Variants in TNRC6B observed in about 807,000 individuals in gnomAD.
TNRC6B encodes trinucleotide repeat-containing gene 6B protein.
Under a neutral mutation model 203.6 loss-of-function variants are expected in TNRC6B, and 52 were observed. The ratio of observed to expected loss-of-function variants is 0.26; its 90% CI spans 0.20 to 0.32. TNRC6B has a LOEUF of 0.32. Ranked by LOEUF, TNRC6B falls within the 10% of genes least tolerant of loss-of-function variation. TNRC6B has a pLI of 1.00. For missense variants in TNRC6B, 1,923 were observed against 2,286.2 expected, an observed-to-expected ratio of 0.84 and a Z score of 3.24; for synonymous variants, 838 against 845.7, an observed-to-expected ratio of 0.99 and a Z score of 0.16.
At chr22:40,255,670 C>T (rs1336865674) in intron 3 of TNRC6B, among the ~76,000 whole-genome samples, 4 of 152,084 alleles carry the variant, frequency 2.6e-5, no homozygotes, top group Admixed American at 6.6e-5. Context: ...GACTTGAACC[C>T]GATTAGGAGG....
At chr22:40,245,701 G>A (rs1446993172) in intron 1 of TNRC6B, among the ~76,000 whole-genome samples, 2 of 136,364 alleles carry the variant, frequency 1.5e-5, no homozygotes, top group Middle Eastern at 3.7e-3. Context: ...TTTGCTGAGT[G>A]GAAATTAATC....
intron 3 of TNRC6B, among the ~76,000 whole-genome samples, chr22:40,153,606 A>C (rs2068781474): frequency 1.3e-5 from 2 of 151,822 alleles, no homozygotes; most frequent in South Asian, 4.1e-4. Context: ...TTCCAGGGAA[A>C]CCAAAATTAT....
chr22:40,048,368 G>A (rs1278549708), intron 1 of TNRC6B, among the ~76,000 whole-genome samples: 1 of 151,958 alleles, frequency 6.6e-6, no homozygotes, highest in Non-Finnish European at 1.5e-5. Context: ...GTGAAACCCC[G>A]TCTCTACTAA....
intron 1 of TNRC6B, among the ~76,000 whole-genome samples, chr22:40,113,760 C>T (rs1022828554): frequency 1.3e-5 from 2 of 152,154 alleles, no homozygotes; most frequent in Admixed American, 1.3e-4. Context: ...GGGTGGTACC[C>T]TCCTGTCTGC....
Position 40,281,155 on chromosome 22 carries a change from G to C in TNRC6B, c.3448G>C (p.Gly1150Arg). 6.4e-7 allele frequency: 1 copy of C among 1,550,794 alleles called. No individual in the cohort carries two copies. The highest frequency in any genetic ancestry group is 2.4e-5 in the East Asian group (1 of 40,866). Residue 1150 changes from glycine to arginine, a missense_variant, in exon 11 of 23, where the codon GGG becomes CGG. Around this residue, in one of 8 missense-constraint regions of TNRC6B, gnomAD observed 599 missense variants for 656.5 expected, o/e 0.91. Coordinates refer to ENST00000454349, the MANE Select transcript of TNRC6B (RefSeq NM_001162501.2). ...LPFSNQDGCLGDEAPCSPFSP... is the reference protein window; with the variant it reads ...LPFSNQDGCLRDEAPCSPFSP... Reference sequence around the variant, plus strand: ...TTTCTCCAATCAAGATGGGTGCCTTGGGGATGAGGCTCCCTGCTCTCCCTT... The same window carrying C: ...TTTCTCCAATCAAGATGGGTGCCTTCGGGATGAGGCTCCCTGCTCTCCCTT...
At chr22:40,070,898 A>G (rs536515558) in intron 1 of TNRC6B, among the ~76,000 whole-genome samples, 199 of 152,294 alleles carry the variant, frequency 1.3e-3, no homozygotes, top group Non-Finnish European at 2.0e-3. Flanking sequence ...AGCTATGACT[A>G]AAGTCTAAAG....
chr22:40,320,947 A>T, intron 21 of TNRC6B, 143 bp from the exon 22 acceptor site: 1 of 885,556 alleles, frequency 1.1e-6, no homozygotes, highest in Non-Finnish European at 1.7e-6. Context: ...AGGCTGAATC[A>T]TATGCTTTTG....
In TNRC6B at chr22:40,320,685, A is replaced by G. The variant is rs573994531; in HGVS notation, c.4975-405A>G. ...TAGAGAAGTAGGCAGAAATAGTCTC[A>G]CCTTGAGATGGGCAAAGTAGGGGTA... On this transcript the variant is annotated intron_variant, in intron 21 of 22. Coordinates refer to ENST00000454349, the MANE Select transcript of TNRC6B (RefSeq NM_001162501.2). Among the ~76,000 whole-genome samples, 10 of 152,294 alleles carry G rather than the reference A, an allele frequency of 6.6e-5. 2 individuals are homozygous for G. The South Asian group carries it at 2.1e-3, about 32-fold the overall frequency.
In TNRC6B at chr22:40,312,553, A is replaced by C. The variant is rs770060738; in HGVS notation, c.4484A>C (p.Glu1495Ala). The C allele has an allele frequency of 6.2e-7, 1 of 1,614,038 alleles. No homozygotes were observed. Among genetic ancestry groups the C allele is most frequent in the Admixed American group, 1.7e-5 (1 of 60,000 alleles). Residue 1495 changes from glutamate to alanine, a missense_variant, in exon 18 of 23, where the codon GAA becomes GCA. Around this residue, in one of 8 missense-constraint regions of TNRC6B, gnomAD observed 242 missense variants for 399.5 expected, o/e 0.61. Coordinates refer to ENST00000454349, the MANE Select transcript of TNRC6B (RefSeq NM_001162501.2). Reference sequence around the variant, plus strand: ...AAAGGTATCCAAAACATTGACCCTGAATCTGACCCCTATGTCACCCCAGGA... The same window carrying C: ...AAAGGTATCCAAAACATTGACCCTGCATCTGACCCCTATGTCACCCCAGGA... ...PWKGIQNIDP[E>A]SDPYVTPGSV...
intron 1 of TNRC6B, among the ~76,000 whole-genome samples, chr22:40,060,152 T>C (rs1480817029): frequency 6.6e-6 from 1 of 150,858 alleles, no homozygotes; most frequent in Non-Finnish European, 1.5e-5. Flanking sequence ...TTCTTTTTTT[T>C]TTTTTTTAAT....
chr22:40,153,843 A>T (rs1366018952), intron 3 of TNRC6B, among the ~76,000 whole-genome samples: 1 of 151,192 alleles, frequency 6.6e-6, no homozygotes, highest in Non-Finnish European at 1.5e-5. Flanking sequence ...AATAATGTAT[A>T]TGTATTTAAT....
rs2071125104 is a variant in TNRC6B at position 40,308,512 on chromosome 22, G to A, written c.4121G>A (p.Gly1374Asp). ...TAAAATGTGGTCTTCTCCTTTTTAGGCTTCAGCTCTGGCGGCATGGACTAT... is the reference window on the plus strand; with the variant it reads ...TAAAATGTGGTCTTCTCCTTTTTAGACTTCAGCTCTGGCGGCATGGACTAT... Reference protein sequence around the residue: ...TKGPIPGYGSGFSSGGMDYGM... With the variant: ...TKGPIPGYGSDFSSGGMDYGM... Residue 1374 changes from glycine to aspartate, a missense_variant and splice_region_variant, in exon 16 of 23, where the codon GGC becomes GAC. Coordinates refer to ENST00000454349, the MANE Select transcript of TNRC6B (RefSeq NM_001162501.2). 2 of 1,613,800 alleles carry A rather than the reference G, an allele frequency of 1.2e-6. No individual in the cohort carries two copies. The highest frequency in any genetic ancestry group is 1.7e-6 in the Non-Finnish European group (2 of 1,179,868).
chr22:40,275,479 A>G (rs2070627488), intron 7 of TNRC6B, among the ~76,000 whole-genome samples: 1 of 152,194 alleles, frequency 6.6e-6, no homozygotes, highest in Non-Finnish European at 1.5e-5. Context: ...CATATAACAT[A>G]TAATTTACCA....
chr22:40,308,383 A>T, intron 15 of TNRC6B, 129 bp from the exon 16 acceptor site: 1 of 1,063,440 alleles, frequency 9.4e-7, no homozygotes, highest in Non-Finnish European at 1.4e-6. Context: ...AATCAAAAAT[A>T]CCTGTTTCTG....
chr22:40,309,989 A>T (rs79741622), intron 16 of TNRC6B, among the ~76,000 whole-genome samples: 6 of 152,226 alleles, frequency 3.9e-5, no homozygotes, highest in Non-Finnish European at 7.3e-5. Flanking sequence ...CCAATATAGT[A>T]TGTAAAATTC....
chr22:40,106,261 TGA>T, intron 1 of TNRC6B: 2 of 286,992 alleles, frequency 7.0e-6, no homozygotes, highest in South Asian at 7.6e-5. Flanking sequence ...TTTTTCAATT[TGA>T]GAGCAGGTAC....
chr22:40,221,785 A>G (rs1391843611), intron 1 of TNRC6B, among the ~76,000 whole-genome samples: 4 of 121,280 alleles, frequency 3.3e-5, no homozygotes, highest in African/African-American at 1.3e-4. Context: ...ACTCCTGTCT[A>G]CTTTCCTGCT....
intron 3 of TNRC6B, among the ~76,000 whole-genome samples, chr22:40,147,781 T>C (rs910946989): frequency 5.8e-4 from 88 of 152,102 alleles, no homozygotes; most frequent in African/African-American, 2.0e-3. Flanking sequence ...ACACCACATA[T>C]TATGTCACTC....
At chr22:40,234,268 C>G (rs544587905) in intron 1 of TNRC6B, among the ~76,000 whole-genome samples, 6 of 152,152 alleles carry the variant, frequency 3.9e-5, no homozygotes, top group Non-Finnish European at 7.3e-5. Context: ...CGTGATAGAG[C>G]AAGACCCTGT....
Sources: gnomAD v4.1 joint callset for allele counts (sites outside exome capture counted in the v4.1 genomes callset) on GRCh38, gnomAD v4.1.1 for gene constraint, gnomAD v4.1.1 regional missense constraint, MANE v1.5 for transcripts, NCBI Gene and HGNC (gene_info 2026-07-23, HGNC 2026-07-21) for gene names.